Variants in INKA2 observed in about 807,000 individuals in gnomAD.
INKA2 encodes inka box actin regulator 2.
INKA2 carries 3 observed loss-of-function variants against 9.8 expected under a neutral mutation model. The observed-to-expected ratio is 0.31, with a 90% confidence interval of 0.14 to 0.79. INKA2 has a LOEUF of 0.79. Among genes scored for constraint, INKA2 ranks in the 30% least tolerant of loss-of-function variants. The pLI, the probability that INKA2 is intolerant of heterozygous loss-of-function variation, is 0.62. For missense variants in INKA2, 392 were observed against 384.4 expected, an observed-to-expected ratio of 1.02 and a Z score of -0.17; for synonymous variants, 147 against 143.3, an observed-to-expected ratio of 1.03 and a Z score of -0.18.
chr1:111,735,359 A>G (rs1662988774), intron 1 of INKA2, among the ~76,000 whole-genome samples: 1 of 152,228 alleles, frequency 6.6e-6, no homozygotes, highest in Non-Finnish European at 1.5e-5. Context: ...GACACATCTG[A>G]CACTGTGCTA....
Position 111,723,440 on chromosome 1 carries a change from C to T in INKA2, c.*3528G>A, listed in dbSNP as rs572709748. 1.1e-4 allele frequency: 37 copies of T among 344,582 alleles called. No individual in the cohort carries two copies. Among genetic ancestry groups the T allele is most frequent in the African/African-American group, 5.5e-4 (26 of 47,140 alleles). The allele number at this position is 344,582 out of a possible 1,614,324, so 21.3% of individuals were successfully genotyped here. On this transcript the variant is annotated 3_prime_UTR_variant, in exon 2 of 2. Transcript: ENST00000357260. Reference sequence around the variant, plus strand: ...ACCAGGCCGGCCCCACTAGCATGCCCAGCAGGGACTCTTTTCTGTTCCCTG... The same window carrying T: ...ACCAGGCCGGCCCCACTAGCATGCCTAGCAGGGACTCTTTTCTGTTCCCTG...
In INKA2 at chr1:111,723,932, A is replaced by T. The variant is rs1662707156; in HGVS notation, c.*3036T>A. On this transcript the variant is annotated 3_prime_UTR_variant, in exon 2 of 2. Coordinates refer to ENST00000357260, the MANE Select transcript of INKA2 (RefSeq NM_019099.5). ...TCCTCTTGATTTGGCTTTGGAACAG[A>T]TATGGACAATTAGTGGGATCGTCTG... 6.6e-6 allele frequency: 1 copy of T among 152,290 alleles called. No homozygotes were observed. Among genetic ancestry groups the T allele is most frequent in the African/African-American group, 2.4e-5 (1 of 41,458 alleles). The allele number at this position is 152,290 out of a possible 1,614,324, so 9.4% of individuals were successfully genotyped here.
chr1:111,731,725 A>G (rs1422778410), intron 1 of INKA2, among the ~76,000 whole-genome samples: 1 of 152,210 alleles, frequency 6.6e-6, no homozygotes, highest in Admixed American at 6.5e-5. Context: ...AGGTGAGGTA[A>G]TGTGTATCTC....
chr1:111,745,255 CACAG>C (rs1284819406), intron 1 of INKA2: 18 of 124,598 alleles, frequency 1.4e-4, no homozygotes, highest in African/African-American at 5.7e-4. Flanking sequence ...CACACACACA[CACAG>C]AGATATTATA....
intron 1 of INKA2, chr1:111,747,310 CCTAT>C (rs1375148083): frequency 1.3e-5 from 2 of 152,266 alleles, no homozygotes; most frequent in African/African-American, 2.4e-5. Flanking sequence ...GCACCCCCAA[CCTAT>C]CTATCTGTCT....
intron 1 of INKA2, among the ~76,000 whole-genome samples, chr1:111,737,136 G>C (rs990608749): frequency 3.3e-5 from 5 of 152,288 alleles, no homozygotes; most frequent in East Asian, 1.9e-4. Flanking sequence ...CTCTCCAAGA[G>C]AGTCAAAGGC....
chr1:111,732,180 C>T (rs1167664126), intron 1 of INKA2, among the ~76,000 whole-genome samples: 1 of 152,168 alleles, frequency 6.6e-6, no homozygotes, highest in African/African-American at 2.4e-5. Flanking sequence ...CCAGGGGATG[C>T]CATCACCCAA....
At chr1:111,736,590 A>G (rs766097777) in intron 1 of INKA2, among the ~76,000 whole-genome samples, 1 of 152,244 alleles carries the variant, frequency 6.6e-6, no homozygotes, top group African/African-American at 2.4e-5. Flanking sequence ...ATAAATGAAT[A>G]TAGAACTTGA....
In INKA2 at chr1:111,725,906, C is replaced by T. The variant is rs749193199; in HGVS notation, c.*1062G>A. 3.1e-5 allele frequency: 11 copies of T among 358,188 alleles called. No homozygotes were observed. The South Asian group carries it at 9.0e-4, about 29-fold the overall frequency. 22.2% of individuals were successfully genotyped at this position (358,188 alleles called of 1,614,324 possible). A position where few individuals can be genotyped will look rare whatever the true frequency, so the allele number is the denominator to read the frequency against. On this transcript the variant is annotated 3_prime_UTR_variant, in exon 2 of 2. Coordinates refer to ENST00000357260, the MANE Select transcript of INKA2 (RefSeq NM_019099.5). ...TGCCACCACGCCTGGCTAATTTTTA[C>T]GTATTTTTTTAGTAGAGACGGGGTT...
At chr1:111,731,333 T>C (rs1377973291) in intron 1 of INKA2, among the ~76,000 whole-genome samples, 1 of 152,182 alleles carries the variant, frequency 6.6e-6, no homozygotes, top group Non-Finnish European at 1.5e-5. Flanking sequence ...GTTATTTACA[T>C]TCTGTTTTTC....
intron 1 of INKA2, 170 bp from the exon 2 acceptor site, chr1:111,727,974 G>T: frequency 1.7e-6 from 1 of 599,852 alleles, no homozygotes; most frequent in Non-Finnish European, 2.9e-6. Flanking sequence ...GCTGGGTAAA[G>T]GAAATAATAA....
intron 1 of INKA2, chr1:111,745,293 A>ATATATATATATATTTT (rs1358304932): frequency 6.9e-4 from 34 of 49,258 alleles, no homozygotes; most frequent in Non-Finnish European, 1.1e-3. Context: ...ATATATATAT[A>ATATATATATATATTTT]TTTTTTTTTT....
chr1:111,752,900 A>G (rs549495785), intron 1 of INKA2, among the ~76,000 whole-genome samples: 211 of 152,084 alleles, frequency 1.4e-3, no homozygotes, highest in Admixed American at 3.6e-3. Context: ...GGGTTTCACC[A>G]TGTTAGCCAG....
rs1379671899 is a variant in INKA2, at chr1:111,723,995, A to G, written c.*2973T>C. ...TTGCAAGTCAGTTGGAACTGATTCA[A>G]TCTCAATTCCACTACTGTGTGACCT... On this transcript the variant is annotated 3_prime_UTR_variant, in exon 2 of 2. Coordinates refer to ENST00000357260, the MANE Select transcript of INKA2 (RefSeq NM_019099.5). 2.6e-5 allele frequency: 4 copies of G among 152,240 alleles called. No homozygotes were observed. The highest frequency in any genetic ancestry group is 2.6e-4 in the Admixed American group (4 of 15,282). The allele number at this position is 152,240 out of a possible 1,614,324, so 9.4% of individuals were successfully genotyped here. A position where few individuals can be genotyped will look rare whatever the true frequency, so the allele number is the denominator to read the frequency against.
At chr1:111,737,683 C>T (rs936445223) in intron 1 of INKA2, among the ~76,000 whole-genome samples, 2 of 152,114 alleles carry the variant, frequency 1.3e-5, no homozygotes, top group African/African-American at 4.8e-5. Flanking sequence ...AGGGACATGG[C>T]GTAAGTTCAG....
intron 1 of INKA2, among the ~76,000 whole-genome samples, chr1:111,750,151 C>T (rs903121998): frequency 2.6e-5 from 4 of 152,348 alleles, no homozygotes; most frequent in African/African-American, 9.6e-5. Context: ...TCAATGTGGG[C>T]CTTGTGCAGA....
At chr1:111,755,636 G>C (rs1663524077) in intron 1 of INKA2, 2 of 1,603,144 alleles carry the variant, frequency 1.2e-6, no homozygotes, top group Admixed American at 3.4e-5. Context: ...AGAGGGCCGA[G>C]AGGCGGGGCG....
intron 1 of INKA2, chr1:111,745,288 TATATA>T (rs1260083586): frequency 4.2e-4 from 22 of 52,328 alleles, no homozygotes; most frequent in African/African-American, 1.5e-3. Flanking sequence ...TATATATATA[TATATA>T]TTTTTTTTTT....
At chr1:111,754,944 G>A (rs174735) in intron 1 of INKA2, 1 of 150,540 alleles carries the variant, frequency 6.6e-6, no homozygotes, top group African/African-American at 2.5e-5. Context: ...CCAGGGAGCA[G>A]AGAGGATGAC....
Sources: allele counts gnomAD v4.1 joint callset (sites outside exome capture counted in the v4.1 genomes callset), GRCh38; gene constraint gnomAD v4.1.1; transcripts MANE v1.5; gene names NCBI Gene and HGNC (gene_info 2026-07-23, HGNC 2026-07-21).